SLC35F3: variants seen among roughly 807,000 people sequenced by gnomAD.
SLC35F3 encodes the protein solute carrier family 35 member F3.
SLC35F3 carries 25 observed loss-of-function variants against 49.9 expected under a neutral mutation model. The observed-to-expected ratio is 0.50, with a 90% CI of 0.37 to 0.70. SLC35F3 has a LOEUF of 0.70. Ranked by LOEUF, SLC35F3 falls within the 30% of genes least tolerant of loss-of-function variation. The pLI, the probability that SLC35F3 is intolerant of heterozygous loss-of-function variation, is 0.00. For synonymous variants in SLC35F3, 275 were observed against 265.4 expected, an observed-to-expected ratio of 1.04 and a Z score of -0.35; for missense variants, 525 against 639.8, an observed-to-expected ratio of 0.82 and a Z score of 1.94.
intron 3 of SLC35F3, among the ~76,000 whole-genome samples, chr1:234,249,822 G>C (rs1667707730): frequency 6.6e-6 from 1 of 152,250 alleles, no homozygotes; most frequent in Non-Finnish European, 1.5e-5. Flanking sequence ...TGTGCGTCTA[G>C]CCCTGAGGCT....
chr1:233,934,190 T>C (rs1011609199), intron 2 of SLC35F3, among the ~76,000 whole-genome samples: 12 of 152,202 alleles, frequency 7.9e-5, no homozygotes, highest in African/African-American at 1.7e-4. Flanking sequence ...GCATATTTTA[T>C]CCTACACATT....
chr1:234,140,491 G>C (rs972931041), intron 2 of SLC35F3, among the ~76,000 whole-genome samples: 1 of 152,136 alleles, frequency 6.6e-6, no homozygotes, highest in African/African-American at 2.4e-5. Context: ...GTAGTTGCAG[G>C]ATTCGGTACT....
At chr1:234,291,237 A>G (rs915324803) in intron 3 of SLC35F3, among the ~76,000 whole-genome samples, 3 of 152,230 alleles carry the variant, frequency 2.0e-5, no homozygotes, top group African/African-American at 7.2e-5. Flanking sequence ...GTGCTTATCA[A>G]TGCTAACGTG....
At chr1:233,943,947 A>G (rs1379635419) in intron 2 of SLC35F3, among the ~76,000 whole-genome samples, 1 of 152,208 alleles carries the variant, frequency 6.6e-6, no homozygotes, top group Non-Finnish European at 1.5e-5. Flanking sequence ...CTTTTGGGGA[A>G]AAAATGGAAT....
intron 2 of SLC35F3, among the ~76,000 whole-genome samples, chr1:234,044,245 C>G (rs1458588): frequency 6.6e-6 from 1 of 152,222 alleles, no homozygotes; most frequent in Non-Finnish European, 1.5e-5. Context: ...TTCCAAAAGT[C>G]AGTGCCATGC....
chr1:234,106,834 T>C (rs1572054037), intron 2 of SLC35F3, among the ~76,000 whole-genome samples: 1 of 152,268 alleles, frequency 6.6e-6, no homozygotes, highest in East Asian at 1.9e-4. Context: ...GGAACTTTGC[T>C]GAGACACAGA....
intron 2 of SLC35F3, among the ~76,000 whole-genome samples, chr1:233,953,731 CAG>C (rs1333684696): frequency 6.6e-6 from 1 of 152,020 alleles, no homozygotes; most frequent in East Asian, 1.9e-4. Context: ...GTAGAATGTA[CAG>C]AGAGAAAATC....
At chr1:234,254,449 C>T (rs1214508302) in intron 3 of SLC35F3, among the ~76,000 whole-genome samples, 1 of 152,134 alleles carries the variant, frequency 6.6e-6, no homozygotes, top group Admixed American at 6.5e-5. Context: ...ACCATCTTCT[C>T]CCATCCAAGA....
chr1:234,263,954 C>T (rs1203185247), intron 3 of SLC35F3, among the ~76,000 whole-genome samples: 1 of 152,066 alleles, frequency 6.6e-6, no homozygotes, highest in African/African-American at 2.4e-5. Context: ...ACTAAAAATA[C>T]AAAAATTAGC....
In SLC35F3 at chr1:233,984,981, A is replaced by C. The variant is rs529086171; in HGVS notation, c.283+79223A>C. On this transcript the variant is annotated intron_variant, in intron 2 of 7. Coordinates refer to ENST00000366618, the MANE Select transcript of SLC35F3 (RefSeq NM_173508.4). ...GGTGCCTGGAATTTCCTGTAAAGGA[A>C]ATCAAGATTTTCCTTTATTTTCATG... Among the ~76,000 whole-genome samples the C allele has an allele frequency of 2.0e-5, 3 of 151,934 alleles. No homozygotes were observed. In the East Asian group the frequency reaches 5.9e-4, roughly 30 times the overall value.
chr1:234,287,128 G>T (rs1668434802), intron 3 of SLC35F3, among the ~76,000 whole-genome samples: 1 of 152,180 alleles, frequency 6.6e-6, no homozygotes, highest in Non-Finnish European at 1.5e-5. Context: ...GAGCCTGGGA[G>T]TTCCAGGCTC....
chr1:233,949,033 G>T (rs1662561977), intron 2 of SLC35F3, among the ~76,000 whole-genome samples: 1 of 152,020 alleles, frequency 6.6e-6, no homozygotes, highest in African/African-American at 2.4e-5. Context: ...TCCCATTCCA[G>T]AGCTCCTTCC....
At position 234,316,685 on chromosome 1, in the gene SLC35F3, C is replaced by G; in HGVS notation, c.912C>G (p.Ile304Met). Residue 304 changes from isoleucine (I) to methionine (M), a missense_variant, in exon 5 of 8, where the codon ATC (isoleucine) becomes ATG (methionine). Coordinates refer to ENST00000366618, the MANE Select transcript of SLC35F3 (RefSeq NM_173508.4). ...DGFHSHSVIG[I>M]ALVVASASMS... is the part of the protein sequence containing the mutation. ...TCCACAGCCACTCCGTCATCGGCATCGCACTGGTGGTGGCCTCAGCATCGA... is the reference window on the plus strand; with the variant it reads ...TCCACAGCCACTCCGTCATCGGCATGGCACTGGTGGTGGCCTCAGCATCGA... 6.2e-7 allele frequency: 1 copy of G among 1,613,290 alleles called. No homozygotes were observed. Among genetic ancestry groups the G allele is most frequent in the Non-Finnish European group, 8.5e-7 (1 of 1,179,226 alleles).
At chr1:234,181,338 G>GAAAAAAAAAAAAAAAAGAAAGAAGAAAA (rs1666553244) in intron 2 of SLC35F3, among the ~76,000 whole-genome samples, 1 of 97,310 alleles carries the variant, frequency 1.0e-5, no homozygotes, top group Non-Finnish European at 2.1e-5. Context: ...TCTGTCTCAA[G>GAAAAAAAAAAAAAAAAGAAAGAAGAAAA]AAAAAAAAAA....
At chr1:234,201,930 A>G (rs955061899) in intron 2 of SLC35F3, among the ~76,000 whole-genome samples, 6 of 151,734 alleles carry the variant, frequency 4.0e-5, no homozygotes, top group African/African-American at 1.5e-4. Context: ...AAAAAAAAAA[A>G]AGAAGGAGTT....
intron 2 of SLC35F3, among the ~76,000 whole-genome samples, chr1:234,105,051 C>T (rs548796526): frequency 2.2e-4 from 33 of 150,102 alleles, no homozygotes; most frequent in African/African-American, 7.4e-4. Context: ...TGGCGTGAAC[C>T]GGGGAGGCAA....
At chr1:234,068,468 G>A (rs1664653175) in intron 2 of SLC35F3, among the ~76,000 whole-genome samples, 1 of 152,060 alleles carries the variant, frequency 6.6e-6, no homozygotes, top group Admixed American at 6.6e-5. Context: ...GCTACAAGAA[G>A]CAGCTCAGCC....
intron 2 of SLC35F3, among the ~76,000 whole-genome samples, chr1:234,112,109 G>A (rs1416600088): frequency 6.6e-6 from 1 of 152,198 alleles, no homozygotes; most frequent in East Asian, 1.9e-4. Flanking sequence ...GGGAGGCAGT[G>A]GCAGGAGGAT....
chr1:234,082,457 A>G (rs1028727320), intron 2 of SLC35F3, among the ~76,000 whole-genome samples: 3 of 152,108 alleles, frequency 2.0e-5, no homozygotes, highest in African/African-American at 7.2e-5. Context: ...TTTTGGTTTT[A>G]CATTCTGCTT....
Sources: gnomAD v4.1 joint callset for allele counts (sites outside exome capture counted in the v4.1 genomes callset) on GRCh38, gnomAD v4.1.1 for gene constraint, MANE v1.5 for transcripts, NCBI Gene and HGNC (gene_info 2026-07-23, HGNC 2026-07-21) for gene names.